ULK2: variants seen among roughly 807,000 people sequenced by gnomAD.
The protein encoded by ULK2 is serine/threonine-protein kinase ULK2.
In ULK2, 76 loss-of-function variants were observed where a neutral mutation model predicts 127.5. That is an observed-to-expected ratio of 0.60 (90% CI 0.50 to 0.72). The LOEUF is 0.72. ULK2 is among the 30% of genes least tolerant of loss of function. ULK2 has a pLI of 0.00. For synonymous variants in ULK2, 452 were observed against 461.9 expected (o/e 0.98, Z 0.28); for missense variants, 1,144 against 1,295.9 (o/e 0.88, Z 1.80).
chr17:19,814,496 G>GA, intron 13 of ULK2, among the ~76,000 whole-genome samples: 1 of 120,874 alleles, frequency 8.3e-6, no homozygotes, highest in South Asian at 2.7e-4. Flanking sequence ...GCCCAGGCTG[G>GA]AGTGCAGTGG....
chr17:19,780,900 TACTCATCAGAC>T, intron 24 of ULK2, 75 bp downstream of exon 24: 1 of 1,264,488 alleles, frequency 7.9e-7, no homozygotes, highest in Non-Finnish European at 1.1e-6. Flanking sequence ...CAACAGTGAG[TACTCATCAGAC>T]ACTCTCTCAC....
chr17:19,799,369 TA>T, intron 17 of ULK2, 125 bp downstream of exon 17: 2 of 804,572 alleles, frequency 2.5e-6, no homozygotes, highest in Non-Finnish European at 3.5e-6. Context: ...ACCAAGATTC[TA>T]AAAATCAGGA....
At chr17:19,824,843 C>T (rs527249715) in intron 12 of ULK2, among the ~76,000 whole-genome samples, 1 of 152,334 alleles carries the variant, frequency 6.6e-6, no homozygotes, top group South Asian at 2.1e-4. Flanking sequence ...GGTGATAGTG[C>T]TATACTCACT....
chr17:19,776,056 G>A lies in ULK2; in HGVS notation c.*293C>T, dbSNP rs1413918166. 4.5e-5 allele frequency: 16 copies of A among 358,734 alleles called. No homozygotes were observed. The highest frequency in any genetic ancestry group is 6.8e-5 in the South Asian group (1 of 14,746). 22.2% of individuals were successfully genotyped at this position (358,734 alleles called of 1,614,324 possible). A position where few individuals can be genotyped will look rare whatever the true frequency, so the allele number is the denominator to read the frequency against. On this transcript the variant is annotated 3_prime_UTR_variant, in exon 27 of 27. Coordinates refer to ENST00000395544, the MANE Select transcript of ULK2 (RefSeq NM_014683.4). ...AATTATCTTTAAGAATAACTGTACC[G>A]ATTATCCTAGTTCTAAGGTACATTT... is the stretch of plus-strand genomic sequence containing the variant.
At chr17:19,854,477 G>A (rs892094155) in intron 3 of ULK2, among the ~76,000 whole-genome samples, 1 of 151,988 alleles carries the variant, frequency 6.6e-6, no homozygotes, top group Non-Finnish European at 1.5e-5. Context: ...ACCCTGATTT[G>A]CTGTAATTCT....
At chr17:19,825,065 G>A (rs935088753) in intron 12 of ULK2, 29 bp downstream of exon 12, 2 of 1,597,956 alleles carry the variant, frequency 1.3e-6, no homozygotes, top group Non-Finnish European at 1.7e-6. Flanking sequence ...CACTAACTCT[G>A]AAATTATTTT....
intron 16 of ULK2, among the ~76,000 whole-genome samples, chr17:19,799,971 G>C (rs146596826): frequency 0.022 from 3,299 of 152,306 alleles, 54 homozygotes; most frequent in Non-Finnish European, 0.032. Context: ...CTTCCCCCAG[G>C]GCTGTTCCCA....
At chr17:19,797,971 A>G (rs1189563493) in intron 17 of ULK2, among the ~76,000 whole-genome samples, 2 of 152,192 alleles carry the variant, frequency 1.3e-5, no homozygotes, top group East Asian at 3.9e-4. Context: ...GACTAGCACC[A>G]AAGAGAACAA....
intron 10 of ULK2, among the ~76,000 whole-genome samples, chr17:19,828,485 C>G (rs192481875): frequency 2.0e-5 from 3 of 152,138 alleles, no homozygotes; most frequent in Non-Finnish European, 4.4e-5. Flanking sequence ...GGGTATAAAG[C>G]AATACAGAAG....
intron 10 of ULK2, among the ~76,000 whole-genome samples, chr17:19,834,488 CT>C (rs2041542142): frequency 6.7e-6 from 1 of 148,524 alleles, no homozygotes; most frequent in South Asian, 2.1e-4. Context: ...TATATTAGAA[CT>C]AAAAAAATGA....
chr17:19,801,978 G>A, intron 15 of ULK2, 56 bp from the exon 16 acceptor site: 1 of 1,512,650 alleles, frequency 6.6e-7, no homozygotes, highest in Non-Finnish European at 8.8e-7. Flanking sequence ...TTTTATTCCT[G>A]CATTTTCTGA....
At chr17:19,843,264 A>T (rs2041806822) in intron 7 of ULK2, 42 bp from the exon 8 acceptor site, 1 of 1,342,520 alleles carries the variant, frequency 7.4e-7, no homozygotes, top group African/African-American at 1.5e-5. Context: ...TACGTTATTT[A>T]CATAATTAAT....
chr17:19,867,288 C>T (rs746531327), intron 1 of ULK2, 40 bp downstream of exon 1: 7 of 1,494,204 alleles, frequency 4.7e-6, no homozygotes, highest in Admixed American at 2.3e-5. Context: ...AGCCCCGTGC[C>T]TGCCGCCCGG....
chr17:19,827,637 C>A lies in ULK2; in HGVS notation c.788-1451G>T, dbSNP rs182821812. Among the ~76,000 whole-genome samples, 137 of 152,254 alleles carry A rather than the reference C, an allele frequency of 9.0e-4. 1 individual carries two copies. Among genetic ancestry groups the A allele is most frequent in the African/African-American group, 3.2e-3 (131 of 41,554 alleles). ...AAGATAAGAATTAGGTTGGACCGGG[C>A]GTGGTGGCTCACGCCTATAATCCCA... is the stretch of plus-strand genomic sequence containing the variant. On this transcript the variant is annotated intron_variant, in intron 10 of 26. Coordinates refer to ENST00000395544, the MANE Select transcript of ULK2 (RefSeq NM_014683.4).
At chr17:19,793,293 A>G (rs886390324) in intron 20 of ULK2, among the ~76,000 whole-genome samples, 5 of 152,220 alleles carry the variant, frequency 3.3e-5, no homozygotes, top group African/African-American at 1.2e-4. Flanking sequence ...CTCCCCTGAC[A>G]CATGGAAATT....
At chr17:19,811,063 T>C (rs2087629371) in intron 13 of ULK2, 1 of 151,754 alleles carries the variant, frequency 6.6e-6, no homozygotes, top group Non-Finnish European at 1.5e-5. Context: ...GAGACCTGCC[T>C]GGGCAACATA....
At chr17:19,786,189 G>GTT (rs368136879) in intron 20 of ULK2, 103 bp from the exon 21 acceptor site, 766 of 868,102 alleles carry the variant, frequency 8.8e-4, no homozygotes, top group South Asian at 2.0e-3. Context: ...GAGTCTAGTG[G>GTT]TTTTTTTTTT....
intron 13 of ULK2, among the ~76,000 whole-genome samples, chr17:19,811,830 G>T (rs924074677): frequency 6.6e-6 from 1 of 152,076 alleles, no homozygotes; most frequent in Admixed American, 6.6e-5. Context: ...GGCTTTCAAT[G>T]ACCACATTTT....
chr17:19,804,958 G>A, intron 14 of ULK2, 128 bp from the exon 15 acceptor site: 3 of 1,036,954 alleles, frequency 2.9e-6, no homozygotes, highest in South Asian at 3.5e-5. Flanking sequence ...ACCTTAATAA[G>A]AAATGATCTT....
Sources: allele counts gnomAD v4.1 joint callset (sites outside exome capture counted in the v4.1 genomes callset), GRCh38; gene constraint gnomAD v4.1.1; transcripts MANE v1.5; gene names NCBI Gene and HGNC (gene_info 2026-07-23, HGNC 2026-07-21).